Variants in PHF14 observed in about 807,000 individuals in gnomAD.
PHF14 encodes PHD finger protein 14.
A neutral mutation model predicts 117.9 loss-of-function variants in PHF14; 55 were observed. That is an observed-to-expected ratio of 0.47 (90% CI 0.38 to 0.58). The LOEUF (loss-of-function observed/expected upper bound fraction) is 0.58. Ranked by LOEUF, PHF14 falls within the 20% of genes least tolerant of loss-of-function variation. PHF14 has a pLI of 0.00. For synonymous variants in PHF14, 409 were observed against 368.6 expected, an observed-to-expected ratio of 1.11 and a Z score of -1.26; for missense variants, 978 against 1,122.2, an observed-to-expected ratio of 0.87 and a Z score of 1.84.
chr7:10,978,259 T>C (rs1236719736), intron 2 of PHF14, among the ~76,000 whole-genome samples: 1 of 152,140 alleles, frequency 6.6e-6, no homozygotes. Flanking sequence ...AGTAATAATA[T>C]TAGAATAAGT....
intron 3 of PHF14, among the ~76,000 whole-genome samples, chr7:10,985,154 C>T (rs1365351789): frequency 6.6e-6 from 1 of 151,864 alleles, no homozygotes; most frequent in South Asian, 2.1e-4. Flanking sequence ...TTCTAGTTTT[C>T]TTATTTGTAT....
chr7:10,990,093 T>G (rs917440288), intron 3 of PHF14, among the ~76,000 whole-genome samples: 3 of 152,222 alleles, frequency 2.0e-5, no homozygotes, highest in Non-Finnish European at 4.4e-5. Flanking sequence ...TTCATATACC[T>G]ACGCAGGCTC....
At chr7:10,979,481 G>T (rs538902575) in intron 2 of PHF14, among the ~76,000 whole-genome samples, 1 of 151,192 alleles carries the variant, frequency 6.6e-6, no homozygotes, top group Non-Finnish European at 1.5e-5. Context: ...GTTTATTGTA[G>T]ACTTGAAATT....
chr7:11,115,311 G>C (rs912642031), intron 17 of PHF14, among the ~76,000 whole-genome samples: 7 of 151,876 alleles, frequency 4.6e-5, no homozygotes, highest in Non-Finnish European at 8.8e-5. Flanking sequence ...GCTTACTAGA[G>C]CCCTCTAAAT....
intron 16 of PHF14, among the ~76,000 whole-genome samples, chr7:11,078,325 A>G (rs1785947095): frequency 6.6e-6 from 1 of 152,204 alleles, no homozygotes; most frequent in African/African-American, 2.4e-5. Flanking sequence ...TGAATAACAG[A>G]ATATGAACCT....
At chr7:11,063,156 T>G (rs1208874080) in intron 16 of PHF14, 12 of 966,730 alleles carry the variant, frequency 1.2e-5, no homozygotes, top group Non-Finnish European at 1.4e-5. Context: ...AAGTAAAAAT[T>G]ACAGTAGAAA....
intron 4 of PHF14, chr7:11,006,575 A>G (rs1015153017): frequency 2.7e-5 from 16 of 599,206 alleles, no homozygotes; most frequent in Admixed American, 1.3e-4. Flanking sequence ...TAACTTCCTC[A>G]GTGAACACAA....
At chr7:11,147,861 G>A (rs111613427) in intron 17 of PHF14, among the ~76,000 whole-genome samples, 5 of 152,066 alleles carry the variant, frequency 3.3e-5, no homozygotes, top group African/African-American at 9.6e-5. Flanking sequence ...ATATTCAAAT[G>A]TTTGCCTGAC....
intron 3 of PHF14, among the ~76,000 whole-genome samples, chr7:10,984,713 C>T (rs975533078): frequency 1.9e-4 from 29 of 152,254 alleles, no homozygotes; most frequent in African/African-American, 6.7e-4. Context: ...AGGAATTTGC[C>T]ACGTAAAGTG....
intron 14 of PHF14, among the ~76,000 whole-genome samples, chr7:11,057,272 G>T (rs1447380066): frequency 1.3e-5 from 2 of 152,210 alleles, no homozygotes; most frequent in East Asian, 1.9e-4. Flanking sequence ...CAGCTCTAAA[G>T]AATTAATTAA....
chr7:11,106,446 A>C, intron 16 of PHF14: 1 of 945,010 alleles, frequency 1.1e-6, no homozygotes, highest in Non-Finnish European at 1.3e-6. Flanking sequence ...TCATGTAGGT[A>C]ATTTGCACTA....
chr7:11,092,457 A>C (rs545383572), intron 16 of PHF14, among the ~76,000 whole-genome samples: 78 of 152,310 alleles, frequency 5.1e-4, no homozygotes, highest in Middle Eastern at 3.4e-3. Context: ...TAAAGTCCTA[A>C]GATAGTGGTT....
Position 10,982,237 on chromosome 7 carries a change from C to T in PHF14, c.113-135C>T, listed in dbSNP as rs533791573. On this transcript the variant is annotated intron_variant, in intron 2 of 17. Coordinates refer to ENST00000634607, the MANE Select transcript of PHF14 (RefSeq NM_001007157.2). Reference sequence around the variant, plus strand: ...GATCAGGTTGGGAATGTCTACCATTCTTTGACTTAAATTTGTTTATATTGT... The same window carrying T: ...GATCAGGTTGGGAATGTCTACCATTTTTTGACTTAAATTTGTTTATATTGT... The T allele has an allele frequency of 7.7e-5, 44 of 572,786 alleles. No individual in the cohort carries two copies. In the African/African-American group the frequency reaches 8.4e-4, roughly 11 times the overall value. The allele number at this position is 572,786 out of a possible 1,614,324, so 35.5% of individuals were successfully genotyped here.
chr7:11,105,532 A>T (rs184083665), intron 16 of PHF14: 11,075 of 976,990 alleles, frequency 0.011, 65 homozygotes, highest in Middle Eastern at 0.031. Flanking sequence ...TTAAATTTTT[A>T]AAAAAATTTA....
At chr7:11,005,958 A>G (rs117204127) in intron 4 of PHF14, among the ~76,000 whole-genome samples, 3,403 of 151,892 alleles carry the variant, frequency 0.022, 52 homozygotes, top group Middle Eastern at 0.044. Context: ...TCACCCGGCT[A>G]TATTTTTGTA....
At chr7:11,133,316 A>G (rs1788135093) in intron 17 of PHF14, among the ~76,000 whole-genome samples, 1 of 151,898 alleles carries the variant, frequency 6.6e-6, no homozygotes. Context: ...ATAAAGCTAC[A>G]GTAATCAAGA....
At chr7:10,987,008 A>C (rs1203128146) in intron 3 of PHF14, among the ~76,000 whole-genome samples, 2 of 152,162 alleles carry the variant, frequency 1.3e-5, no homozygotes, top group African/African-American at 4.8e-5. Context: ...GTCTCCGTTA[A>C]GTACATTAGA....
At chr7:10,999,626 CACA>C (rs1782788244) in intron 4 of PHF14, among the ~76,000 whole-genome samples, 1 of 152,150 alleles carries the variant, frequency 6.6e-6, no homozygotes, top group Non-Finnish European at 1.5e-5. Context: ...TCTGTAAGGG[CACA>C]ACATTAGTTC....
At chr7:11,152,735 C>A (rs1255880640) in intron 17 of PHF14, among the ~76,000 whole-genome samples, 1 of 152,102 alleles carries the variant, frequency 6.6e-6, no homozygotes, top group Non-Finnish European at 1.5e-5. Context: ...AGTGGATGTT[C>A]ATTTTATTGT....
Sources: allele counts gnomAD v4.1 joint callset (sites outside exome capture counted in the v4.1 genomes callset), GRCh38; gene constraint gnomAD v4.1.1; transcripts MANE v1.5; gene names NCBI Gene and HGNC (gene_info 2026-07-23, HGNC 2026-07-21).